Variants in NCBP1 observed in about 807,000 individuals in gnomAD.
The protein encoded by NCBP1 is nuclear cap-binding protein subunit 1.
Under a neutral mutation model 111.7 loss-of-function variants are expected in NCBP1, and 16 were observed. The ratio of observed to expected loss-of-function variants is 0.14; its 90% CI spans 0.10 to 0.22. The LOEUF (loss-of-function observed/expected upper bound fraction) is 0.22. Among genes scored for constraint, NCBP1 ranks in the 10% least tolerant of loss-of-function variants. The pLI, the probability that NCBP1 is intolerant of heterozygous loss-of-function variation, is 1.00. For synonymous variants in NCBP1, 304 were observed against 314.3 expected, an observed-to-expected ratio of 0.97 and a Z score of 0.35; for missense variants, 607 against 957.5, an observed-to-expected ratio of 0.63 and a Z score of 4.83.
At chr9:97,645,759 T>C (rs774210979) in intron 6 of NCBP1, 27 bp downstream of exon 6, 21 of 1,610,338 alleles carry the variant, frequency 1.3e-5, no homozygotes, top group Non-Finnish European at 1.7e-5. Context: ...TAGTACTCTT[T>C]GTTGCTTAGG....
At chr9:97,661,281 A>G (rs1827826782) in intron 16 of NCBP1, among the ~76,000 whole-genome samples, 1 of 152,222 alleles carries the variant, frequency 6.6e-6, no homozygotes, top group Non-Finnish European at 1.5e-5. Flanking sequence ...TATAAACTTC[A>G]TCGTAAATAC....
At chr9:97,650,119 T>G (rs551685445) in intron 8 of NCBP1, among the ~76,000 whole-genome samples, 1 of 152,216 alleles carries the variant, frequency 6.6e-6, no homozygotes, top group Non-Finnish European at 1.5e-5. Flanking sequence ...CATGACTTTT[T>G]ATGGCTATGT....
rs117009911 is a variant in NCBP1 at position 97,667,127 on chromosome 9, A to C, written c.2016+250A>C. Reference sequence around the variant, plus strand: ...CAAACTTCACTTCCCATAGTTCACTATCTCTGGGTCGGCCTCACGTTTGCA... The same window carrying C: ...CAAACTTCACTTCCCATAGTTCACTCTCTCTGGGTCGGCCTCACGTTTGCA... On this transcript the variant is annotated intron_variant, in intron 20 of 22. Transcript: ENST00000375147. 8.9e-4 allele frequency among the ~76,000 whole-genome samples: 136 copies of C among 152,252 alleles called. 2 individuals are homozygous for C. In the South Asian group the frequency reaches 0.028, roughly 31 times the overall value.
chr9:97,650,658 A>T lies in NCBP1; in HGVS notation c.995+58A>T. ...AGAGAAGCAGCAATTTTGATAATTCAGTAAGAGCAAAATATATGTTGAGAG... is the reference window on the plus strand; with the variant it reads ...AGAGAAGCAGCAATTTTGATAATTCTGTAAGAGCAAAATATATGTTGAGAG... On this transcript the variant is annotated intron_variant, in intron 9 of 22. Transcript: ENST00000375147. The T allele has an allele frequency of 2.1e-6, 3 of 1,422,226 alleles. No individual in the cohort carries two copies. In the South Asian group the frequency reaches 3.5e-5, roughly 17 times the overall value. 88.1% of individuals were successfully genotyped at this position (1,422,226 alleles called of 1,614,324 possible). A position where few individuals can be genotyped will look rare whatever the true frequency, so the allele number is the denominator to read the frequency against.
At chr9:97,639,292 C>G (rs1266537521) in intron 1 of NCBP1, among the ~76,000 whole-genome samples, 4 of 152,114 alleles carry the variant, frequency 2.6e-5, no homozygotes, top group African/African-American at 4.8e-5. Flanking sequence ...ATAATACCCC[C>G]CCTCAGATCC....
At chr9:97,640,122 G>A (rs1827165232) in intron 1 of NCBP1, among the ~76,000 whole-genome samples, 1 of 152,034 alleles carries the variant, frequency 6.6e-6, no homozygotes, top group South Asian at 2.1e-4. Flanking sequence ...CATTATTTAG[G>A]ATAAACTATA....
In NCBP1 at chr9:97,653,899, A is replaced by G; in HGVS notation, c.1161A>G (p.Leu387=). 1 of 1,609,284 alleles carries G rather than the reference A, an allele frequency of 6.2e-7. No individual in the cohort carries two copies. The highest frequency in any genetic ancestry group is 8.5e-7 in the Non-Finnish European group (1 of 1,176,036). The change falls in exon 11 of 23, where the codon CTA becomes CTG. Residue 387 remains leucine, a synonymous_variant. Coordinates refer to ENST00000375147, the MANE Select transcript of NCBP1 (RefSeq NM_002486.5). ...TGTGCAAACTTCAACCTGGCTCTCT[A>G]CCCCAAGTTGTATCCTTTTCTTTAT... The part of the protein sequence containing the change: ...IELCKLQPGS[L]PQVLAQATEM...
chr9:97,642,760 G>A (rs1000680320), intron 3 of NCBP1, among the ~76,000 whole-genome samples: 1 of 152,064 alleles, frequency 6.6e-6, no homozygotes, highest in Non-Finnish European at 1.5e-5. Flanking sequence ...CTAGTTCCAT[G>A]ACATTTGGTT....
intron 10 of NCBP1, among the ~76,000 whole-genome samples, chr9:97,652,038 C>G (rs1044621414): frequency 6.6e-6 from 1 of 151,984 alleles, no homozygotes; most frequent in Non-Finnish European, 1.5e-5. Context: ...GAGCCTTGCT[C>G]TGTCGCCCAG....
At chr9:97,637,129 G>T (rs756514888) in intron 1 of NCBP1, among the ~76,000 whole-genome samples, 1 of 152,140 alleles carries the variant, frequency 6.6e-6, no homozygotes, top group Non-Finnish European at 1.5e-5. Flanking sequence ...GCAGAGGGTT[G>T]CATCTTATAG....
At position 97,657,926 on chromosome 9, in the gene NCBP1, ATTTTTT is replaced by A. The variant is rs57402675; in HGVS notation, c.1374-702_1374-697del. The stretch of plus-strand genomic sequence containing the variant: ...TCTCTCTATATATATATATATATAT[ATTTTTT>A]TTTTTTTTTTTAACGTCCCCAGCCA... On this transcript the variant is annotated intron_variant, in intron 14 of 22. Coordinates refer to ENST00000375147, the MANE Select transcript of NCBP1 (RefSeq NM_002486.5). Among the ~76,000 whole-genome samples, 128 of 91,394 alleles carry A rather than the reference ATTTTTT, an allele frequency of 1.4e-3. 1 individual carries two copies. Among genetic ancestry groups the A allele is most frequent in the African/African-American group, 4.9e-3 (123 of 24,894 alleles). 60.0% of individuals were successfully genotyped at this position (91,394 alleles called of 152,430 possible). A position where few individuals can be genotyped will look rare whatever the true frequency, so the allele number is the denominator to read the frequency against.
At chr9:97,651,451 T>C (rs1445921162) in intron 10 of NCBP1, 78 bp downstream of exon 10, 2 of 893,674 alleles carry the variant, frequency 2.2e-6, no homozygotes, top group Admixed American at 3.0e-5. Flanking sequence ...ACTCTTGGCT[T>C]ATTTATTTAT....
At chr9:97,649,734 G>A (rs1036951518) in intron 8 of NCBP1, among the ~76,000 whole-genome samples, 1 of 110,232 alleles carries the variant, frequency 9.1e-6, no homozygotes, top group African/African-American at 3.4e-5. Context: ...GTTTGTGGTC[G>A]GGTATTTTTT....
At chr9:97,647,075 C>T (rs535974489) in intron 6 of NCBP1, among the ~76,000 whole-genome samples, 27 of 151,578 alleles carry the variant, frequency 1.8e-4, no homozygotes, top group Admixed American at 9.8e-4. Flanking sequence ...TGTTGGTGGA[C>T]GTTTAGGTTA....
At chr9:97,651,456 A>G (rs1329290896) in intron 10 of NCBP1, 83 bp downstream of exon 10, 1 of 1,091,456 alleles carries the variant, frequency 9.2e-7, no homozygotes, top group African/African-American at 1.6e-5. Context: ...TGGCTTATTT[A>G]TTTATTTATT....
intron 1 of NCBP1, among the ~76,000 whole-genome samples, chr9:97,638,213 C>G (rs995756694): frequency 1.2e-4 from 19 of 152,170 alleles, no homozygotes; most frequent in Admixed American, 2.6e-4. Flanking sequence ...TTTATAGTCT[C>G]TCAACTATCA....
At chr9:97,634,908 A>ATCTTC (rs1390509702) in intron 1 of NCBP1, among the ~76,000 whole-genome samples, 2 of 152,198 alleles carry the variant, frequency 1.3e-5, no homozygotes, top group Non-Finnish European at 2.9e-5. Context: ...TACAGAAGTA[A>ATCTTC]TGATATTTAT....
chr9:97,662,987 T>G lies in NCBP1; in HGVS notation c.1737T>G (p.Ser579Arg), dbSNP rs576031865. ...AAGTCTTCAAAACCCTAGCTGAAAGTGATGAAGGAAAGTTACATGTGCTAA... is the reference window on the plus strand; with the variant it reads ...AAGTCTTCAAAACCCTAGCTGAAAGGGATGAAGGAAAGTTACATGTGCTAA... Reference protein sequence around the residue: ...FHEVFKTLAESDEGKLHVLRV... With the variant: ...FHEVFKTLAERDEGKLHVLRV... Residue 579 changes from serine to arginine, a missense_variant, in exon 18 of 23, where the codon AGT becomes AGG. By Grantham distance (110) the Ser-to-Arg change is moderately radical. Coordinates refer to ENST00000375147, the MANE Select transcript of NCBP1 (RefSeq NM_002486.5). The G allele has an allele frequency of 6.2e-7, 1 of 1,613,212 alleles. No individual in the cohort carries two copies. The highest frequency in any genetic ancestry group is 8.5e-7 in the Non-Finnish European group (1 of 1,179,702).
chr9:97,658,153 C>T (rs1827725204), intron 14 of NCBP1, among the ~76,000 whole-genome samples: 1 of 151,176 alleles, frequency 6.6e-6, no homozygotes, highest in African/African-American at 2.5e-5. Context: ...GGTTCTAAGC[C>T]TCTTGGTGGA....
Sources: allele counts gnomAD v4.1 joint callset (sites outside exome capture counted in the v4.1 genomes callset), GRCh38; gene constraint gnomAD v4.1.1; transcripts MANE v1.5; gene names NCBI Gene and HGNC (gene_info 2026-07-23, HGNC 2026-07-21).